Variants in ZNRF3 observed in about 807,000 individuals in gnomAD.
ZNRF3 encodes the protein zinc and ring finger 3.
A neutral mutation model predicts 72.5 loss-of-function variants in ZNRF3; 23 were observed. The observed-to-expected ratio is 0.32, with a 90% CI of 0.23 to 0.45. The LOEUF is 0.45. Ranked by LOEUF, ZNRF3 falls within the 20% of genes least tolerant of loss-of-function variation. The pLI is 1.00. For missense variants in ZNRF3, 1,169 were observed against 1,272.1 expected, an observed-to-expected ratio of 0.92 and a Z score of 1.23; for synonymous variants, 610 against 545.3, an observed-to-expected ratio of 1.12 and a Z score of -1.65.
chr22:28,937,408 G>A (rs904449744), intron 1 of ZNRF3, among the ~76,000 whole-genome samples: 11 of 151,592 alleles, frequency 7.3e-5, no homozygotes, highest in African/African-American at 1.9e-4. Context: ...CCTGGTGCAC[G>A]TACTGTGTTT....
At chr22:29,045,708 C>G (rs1409175658) in intron 5 of ZNRF3, among the ~76,000 whole-genome samples, 3 of 152,178 alleles carry the variant, frequency 2.0e-5, no homozygotes, top group African/African-American at 4.8e-5. Context: ...AACTCCTAAC[C>G]TCATGTGATC....
At chr22:29,028,588 G>A (rs773127547) in intron 2 of ZNRF3, among the ~76,000 whole-genome samples, 35 of 152,206 alleles carry the variant, frequency 2.3e-4, no homozygotes, top group Non-Finnish European at 4.6e-4. Flanking sequence ...GACAACATGA[G>A]TATTTCTCTG....
chr22:28,997,219 C>T (rs116979616), intron 2 of ZNRF3, among the ~76,000 whole-genome samples: 1,930 of 152,208 alleles, frequency 0.013, 45 homozygotes, highest in South Asian at 0.056. Flanking sequence ...TACCTGAGCA[C>T]GGGGCATACT....
intron 2 of ZNRF3, among the ~76,000 whole-genome samples, chr22:29,014,494 C>T (rs534473305): frequency 9.9e-5 from 15 of 152,212 alleles, no homozygotes; most frequent in Non-Finnish European, 2.1e-4. Flanking sequence ...CACCATCTCC[C>T]TGCCGCTCCG....
At chr22:29,047,182 A>C (rs2037090608) in intron 6 of ZNRF3, among the ~76,000 whole-genome samples, 1 of 152,188 alleles carries the variant, frequency 6.6e-6, no homozygotes, top group Non-Finnish European at 1.5e-5. Context: ...ACTTGAGGCT[A>C]GGAACTTGAG....
chr22:29,013,231 T>G (rs1353281933), intron 2 of ZNRF3, among the ~76,000 whole-genome samples: 1 of 152,212 alleles, frequency 6.6e-6, no homozygotes, highest in African/African-American at 2.4e-5. Flanking sequence ...TTTTCAGCTC[T>G]CTGCTTGTGG....
intron 2 of ZNRF3, among the ~76,000 whole-genome samples, chr22:29,040,102 C>T (rs775827215): frequency 9.2e-5 from 14 of 152,090 alleles, no homozygotes; most frequent in Non-Finnish European, 1.8e-4. Context: ...TAGCCTGCTG[C>T]TTCTCATTTG....
At position 29,048,306 on chromosome 22, in the gene ZNRF3, A is replaced by G; in HGVS notation, c.913-83A>G. 1.8e-6 allele frequency: 2 copies of G among 1,138,618 alleles called. No homozygotes were observed. Among genetic ancestry groups the G allele is most frequent in the Non-Finnish European group, 2.6e-6 (2 of 770,160 alleles). 70.5% of individuals were successfully genotyped at this position (1,138,618 alleles called of 1,614,324 possible). ...GAAGGGCACGGGCATGCTGTGCAGA[A>G]CTCCTTGGTCTATGCTGGACTCTGC... is the stretch of plus-strand genomic sequence containing the variant. On this transcript the variant is annotated intron_variant, in intron 6 of 8. Coordinates refer to ENST00000544604, the MANE Select transcript of ZNRF3 (RefSeq NM_001206998.2). The surrounding 1 kb of genome is among the most constrained non-coding windows in gnomAD (Gnocchi z 4.9).
chr22:29,009,905 C>CTTTTTTTTTT (rs57028204), intron 2 of ZNRF3, among the ~76,000 whole-genome samples: 1 of 123,568 alleles, frequency 8.1e-6, no homozygotes, highest in Non-Finnish European at 1.6e-5. Flanking sequence ...ACTTTTTCCT[C>CTTTTTTTTTT]TTTTTTTTTT....
In ZNRF3 at chr22:28,999,686, G is replaced by A. The variant is rs5762944; in HGVS notation, c.426+12485G>A. On this transcript the variant is annotated intron_variant, in intron 2 of 8. Transcript: ENST00000544604. The stretch of plus-strand genomic sequence containing the variant: ...GCCACAACAGTGGGCAGTCACTCGA[G>A]TGCGTTGCAGGTTGCTGGGGCTACC... Among the ~76,000 whole-genome samples, 498 of 152,328 alleles carry A rather than the reference G, an allele frequency of 3.3e-3. 17 individuals are homozygous for A. In the East Asian group the frequency reaches 0.075, roughly 23 times the overall value.
chr22:28,935,838 G>A (rs185827418), intron 1 of ZNRF3, among the ~76,000 whole-genome samples: 190 of 152,178 alleles, frequency 1.2e-3, no homozygotes, highest in African/African-American at 4.3e-3. Flanking sequence ...TCCCCTACCC[G>A]AATTCCCGAC....
At chr22:29,037,861 G>C (rs1383018278) in intron 2 of ZNRF3, among the ~76,000 whole-genome samples, 1 of 152,156 alleles carries the variant, frequency 6.6e-6, no homozygotes, top group Non-Finnish European at 1.5e-5. Context: ...GGGGATGAGG[G>C]GAAGGGCACA....
chr22:29,043,507 C>T, intron 4 of ZNRF3, 77 bp downstream of exon 4: 3 of 1,546,498 alleles, frequency 1.9e-6, no homozygotes, highest in Non-Finnish European at 2.6e-6. Context: ...CTTGGGCTTT[C>T]ATTCCTATCT....
chr22:29,029,085 C>T (rs751919295), intron 2 of ZNRF3, among the ~76,000 whole-genome samples: 3 of 152,304 alleles, frequency 2.0e-5, no homozygotes, highest in Non-Finnish European at 1.5e-5. Context: ...CTAGGGTGTT[C>T]ACCTGCCTGT....
chr22:28,986,349 T>G (rs1250829832), intron 1 of ZNRF3, among the ~76,000 whole-genome samples: 2 of 152,206 alleles, frequency 1.3e-5, no homozygotes, highest in African/African-American at 4.8e-5. Flanking sequence ...CCCTGAGGAT[T>G]TCCTCTTCTC....
At chr22:28,944,934 T>TAAATAAAA (rs1471300123) in intron 1 of ZNRF3, among the ~76,000 whole-genome samples, 4 of 146,256 alleles carry the variant, frequency 2.7e-5, no homozygotes, top group African/African-American at 1.0e-4. Context: ...TCCAAATAAA[T>TAAATAAAA]AAATAAATAA....
intron 1 of ZNRF3, among the ~76,000 whole-genome samples, chr22:28,908,723 A>G (rs1297468981): frequency 6.6e-6 from 1 of 152,140 alleles, no homozygotes. Context: ...TGCTTTTGCT[A>G]AAGAAAAAGA....
In ZNRF3 at chr22:28,915,682, ATAT is replaced by A. The variant is rs367862348; in HGVS notation, c.300+31620_300+31622del. 4.4e-4 allele frequency among the ~76,000 whole-genome samples: 67 copies of A among 152,328 alleles called. No individual in the cohort carries two copies. The East Asian group carries it at 0.011, about 25-fold the overall frequency. Reference sequence around the variant, plus strand: ...AGTGGAATACTTTGGACTACCCGTGATATTATAGATAGAATTCATTCTAATGTC... The same window carrying A: ...AGTGGAATACTTTGGACTACCCGTGATATAGATAGAATTCATTCTAATGTC... On this transcript the variant is annotated intron_variant, in intron 1 of 8. Transcript: ENST00000544604.
Position 28,936,046 on chromosome 22 carries a change from T to C in ZNRF3, c.301-51030T>C, listed in dbSNP as rs1180971014. On this transcript the variant is annotated intron_variant, in intron 1 of 8. Coordinates refer to ENST00000544604, the MANE Select transcript of ZNRF3 (RefSeq NM_001206998.2). ...CAAGGTAATTTAGGAAGCTAAGCTC[T>C]CCATGTTCTCCTTGGCACAGGTTTC... 2.6e-5 allele frequency among the ~76,000 whole-genome samples: 4 copies of C among 152,262 alleles called. No individual in the cohort carries two copies. The South Asian group carries it at 6.2e-4, about 24-fold the overall frequency.
Sources: allele counts gnomAD v4.1 joint callset (sites outside exome capture counted in the v4.1 genomes callset), GRCh38; gene constraint gnomAD v4.1.1; non-coding constraint Gnocchi (gnomAD v3.1); transcripts MANE v1.5; gene names NCBI Gene and HGNC (gene_info 2026-07-23, HGNC 2026-07-21).